TTC13: variants seen among roughly 807,000 people sequenced by gnomAD.
TTC13 encodes tetratricopeptide repeat protein 13.
In TTC13, 62 loss-of-function variants were observed where a neutral mutation model predicts 120.0. That is an observed-to-expected ratio of 0.52 (90% CI 0.42 to 0.64). TTC13 has a LOEUF of 0.64. TTC13 is among the 30% of genes least tolerant of loss of function. The pLI, the probability that TTC13 is intolerant of heterozygous loss-of-function variation, is 0.00. For missense variants in TTC13, 824 were observed against 1,050.2 expected (o/e 0.78, Z 2.98); for synonymous variants, 384 against 393.5 (o/e 0.98, Z 0.28).
At chr1:230,946,241 G>C (rs1441044999) in intron 4 of TTC13, among the ~76,000 whole-genome samples, 1 of 152,154 alleles carries the variant, frequency 6.6e-6, no homozygotes, top group Admixed American at 6.5e-5. Flanking sequence ...GCTGCCTCTG[G>C]CTATAAGGTC....
intron 8 of TTC13, among the ~76,000 whole-genome samples, chr1:230,936,858 T>C (rs556574756): frequency 6.6e-6 from 1 of 152,214 alleles, no homozygotes. Context: ...ATTCAGCCGT[T>C]TCACTACCGA....
rs561754612 is a variant in TTC13 at position 230,977,575 on chromosome 1, C to T, written c.271+985G>A. Among the ~76,000 whole-genome samples the T allele has an allele frequency of 1.5e-4, 23 of 151,294 alleles. 1 individual carries two copies. The South Asian group carries it at 4.2e-3, about 28-fold the overall frequency. ...AATCAGATTGTGCTAATCTTGACGT[C>T]TCATCTCAACTAAAAAAAAAAGGTA... On this transcript the variant is annotated intron_variant, in intron 1 of 22. Transcript: ENST00000366661.
At chr1:230,935,700 G>T (rs529380635) in intron 8 of TTC13, among the ~76,000 whole-genome samples, 1 of 152,156 alleles carries the variant, frequency 6.6e-6, no homozygotes, top group Non-Finnish European at 1.5e-5. Context: ...CTTCACACAG[G>T]TGCATGACCT....
intron 2 of TTC13, 23 bp downstream of exon 2, chr1:230,961,186 G>A (rs753787442): frequency 1.3e-5 from 20 of 1,592,910 alleles, no homozygotes; most frequent in Non-Finnish European, 1.7e-5. Flanking sequence ...TACAAAAACA[G>A]AACACAGAGA....
At chr1:230,935,659 C>A (rs1673974990) in intron 8 of TTC13, among the ~76,000 whole-genome samples, 1 of 151,940 alleles carries the variant, frequency 6.6e-6, no homozygotes. Context: ...GCCTCCTGGG[C>A]CAAGCAGTGT....
At chr1:230,937,522 C>G (rs1027697525) in intron 8 of TTC13, among the ~76,000 whole-genome samples, 5 of 152,154 alleles carry the variant, frequency 3.3e-5, no homozygotes, top group South Asian at 2.1e-4. Flanking sequence ...GGCAGCTGCT[C>G]AAAGCATGTT....
chr1:230,920,826 T>C (rs1339741809), intron 16 of TTC13, among the ~76,000 whole-genome samples: 1 of 152,180 alleles, frequency 6.6e-6, no homozygotes, highest in Admixed American at 6.5e-5. Context: ...AGGAAACATC[T>C]AGAAGGCAAA....
intron 8 of TTC13, chr1:230,936,097 A>G: frequency 2.2e-6 from 1 of 447,578 alleles, no homozygotes; most frequent in Non-Finnish European, 4.5e-6. Flanking sequence ...GGGCGTGTTA[A>G]GTCTGGAGTG....
chr1:230,976,238 T>A (rs1376277372), intron 1 of TTC13, among the ~76,000 whole-genome samples: 2 of 152,204 alleles, frequency 1.3e-5, no homozygotes, highest in Non-Finnish European at 2.9e-5. Context: ...TTCTGGATCC[T>A]GACATTTGTC....
intron 22 of TTC13, chr1:230,908,374 G>A (rs1308254205): frequency 2.2e-6 from 1 of 460,636 alleles, no homozygotes; most frequent in Non-Finnish European, 4.3e-6. Flanking sequence ...TTTTTGTAGA[G>A]GGGAGCAGTT....
intron 1 of TTC13, among the ~76,000 whole-genome samples, chr1:230,972,579 T>C (rs1397098716): frequency 6.6e-6 from 1 of 152,218 alleles, no homozygotes; most frequent in African/African-American, 2.4e-5. Flanking sequence ...TTGAGTGCAG[T>C]GAAGCTAAAC....
rs1674845067 is a variant in TTC13, at chr1:230,944,933, A to G, written c.579+456T>C. Among the ~76,000 whole-genome samples, 1 of 152,188 alleles carries G rather than the reference A, an allele frequency of 6.6e-6. No homozygotes were observed. The highest frequency in any genetic ancestry group is 2.4e-5 in the African/African-American group (1 of 41,456). Reference sequence around the variant, plus strand: ...TTATAGTCCTTCTCCAGCCTTCCTCAGAGAAATAAGGGGAATAATTTGATT... The same window carrying G: ...TTATAGTCCTTCTCCAGCCTTCCTCGGAGAAATAAGGGGAATAATTTGATT... On this transcript the variant is annotated intron_variant, in intron 5 of 22. Transcript: ENST00000366661. The surrounding 1 kb of genome is among the most constrained non-coding windows in gnomAD (Gnocchi z 4.0).
At chr1:230,969,740 C>T (rs573070415) in intron 1 of TTC13, among the ~76,000 whole-genome samples, 2 of 152,186 alleles carry the variant, frequency 1.3e-5, no homozygotes, top group Non-Finnish European at 2.9e-5. Flanking sequence ...ACGTCTTAGC[C>T]TCAGCTCCTT....
At chr1:230,961,598 T>C in intron 1 of TTC13, among the ~76,000 whole-genome samples, 2 of 152,248 alleles carry the variant, frequency 1.3e-5, no homozygotes, top group East Asian at 3.9e-4. Context: ...GCAACCTGTA[T>C]CCTACCTTTA....
intron 1 of TTC13, among the ~76,000 whole-genome samples, chr1:230,964,967 A>C (rs1053472085): frequency 7.2e-5 from 11 of 152,240 alleles, no homozygotes; most frequent in Admixed American, 4.6e-4. Context: ...CACCATATAC[A>C]AAATGAAATC....
chr1:230,932,039 C>A (rs1360126590), intron 9 of TTC13, among the ~76,000 whole-genome samples, 162 bp from the exon 10 acceptor site: 3 of 152,146 alleles, frequency 2.0e-5, no homozygotes, highest in African/African-American at 7.2e-5. Flanking sequence ...ATTTCACTTA[C>A]TTCTAAATCT....
intron 12 of TTC13, among the ~76,000 whole-genome samples, chr1:230,926,400 C>T (rs1673055854): frequency 6.6e-6 from 1 of 152,120 alleles, no homozygotes. Context: ...TGCTGCCAAC[C>T]AGGAAAGCTC....
chr1:230,978,459 C>T lies in TTC13; in HGVS notation c.271+101G>A. 1 of 310,124 alleles carries T rather than the reference C, an allele frequency of 3.2e-6. No individual in the cohort carries two copies. Among genetic ancestry groups the T allele is most frequent in the Non-Finnish European group, 5.7e-6 (1 of 174,092 alleles). 19.2% of individuals were successfully genotyped at this position (310,124 alleles called of 1,614,324 possible). On this transcript the variant is annotated intron_variant, in intron 1 of 22. Coordinates refer to ENST00000366661, the MANE Select transcript of TTC13 (RefSeq NM_024525.5). The surrounding 1 kb of genome is among the most constrained non-coding windows in gnomAD (Gnocchi z 5.6). ...GGCTCCCGCGGATCGCGCGCCGCAG[C>T]CGGAGGCGTGAGGCCCGGGCGACCC...
At chr1:230,970,387 G>C (rs1453230459) in intron 1 of TTC13, among the ~76,000 whole-genome samples, 3 of 152,340 alleles carry the variant, frequency 2.0e-5, no homozygotes, top group Non-Finnish European at 2.9e-5. Context: ...GCAGTGGCTG[G>C]AGGGGTGTGT....
Sources: gnomAD v4.1 joint callset for allele counts (sites outside exome capture counted in the v4.1 genomes callset) on GRCh38, gnomAD v4.1.1 for gene constraint, Gnocchi (gnomAD v3.1) non-coding constraint, MANE v1.5 for transcripts, NCBI Gene and HGNC (gene_info 2026-07-23, HGNC 2026-07-21) for gene names.